Variants in ERN2 observed in about 807,000 individuals in gnomAD.
ERN2 encodes endoplasmic reticulum to nucleus signaling 2.
In ERN2, 111 loss-of-function variants were observed where a neutral mutation model predicts 107.9. That is an observed-to-expected ratio of 1.03 (90% confidence interval 0.88 to 1.20). The LOEUF is 1.20. Among genes scored for constraint, ERN2 ranks in the 50% most tolerant of loss-of-function variants. The pLI is 0.00. For missense variants in ERN2, 1,225 were observed against 1,197.9 expected (o/e 1.02, Z -0.33); for synonymous variants, 524 against 501.7 (o/e 1.04, Z -0.59).
intron 6 of ERN2, 62 bp from the exon 7 acceptor site, chr16:23,706,493 G>A: frequency 2.3e-6 from 3 of 1,285,916 alleles, no homozygotes; most frequent in Non-Finnish European, 3.3e-6. Context: ...CAACCCCAGG[G>A]GCCATTTATC....
rs752294858 is a variant in ERN2 at position 23,690,921 on chromosome 16, C to T, written c.2691G>A (p.Met897Ile). 5 of 1,613,938 alleles carry T rather than the reference C, an allele frequency of 3.1e-6. No homozygotes were observed. The change falls in exon 22 of 22, where the codon ATG (methionine) becomes ATA (isoleucine). Residue 897 changes from methionine to isoleucine, a missense_variant. Met to Ile is a conservative substitution (Grantham distance 10, BLOSUM62 1). Coordinates refer to ENST00000256797, the MANE Select transcript of ERN2 (RefSeq NM_033266.4). ...PRLLLHTHRA[M>I]RSCASESLFL... ...AGAGGCTCTCAGAGGCGCAGCTCCTCATGGCTCGGTGCGTGTGGAGGAGCA... is the reference window on the plus strand; with the variant it reads ...AGAGGCTCTCAGAGGCGCAGCTCCTTATGGCTCGGTGCGTGTGGAGGAGCA...
At position 23,690,387 on chromosome 16, in the gene ERN2, G is replaced by T; in HGVS notation, c.*444C>A. The T allele has an allele frequency of 2.1e-6, 1 of 474,048 alleles. No homozygotes were observed. The highest frequency in any genetic ancestry group is 3.8e-6 in the Non-Finnish European group (1 of 260,618). The allele number at this position is 474,048 out of a possible 1,614,324, so 29.4% of individuals were successfully genotyped here. A position where few individuals can be genotyped will look rare whatever the true frequency, so the allele number is the denominator to read the frequency against. The stretch of plus-strand genomic sequence containing the variant: ...ATATTCTTTTTCTTGTATTTCCTGA[G>T]GGGTGCCAGGGCCTGGGATCCAGCG... On this transcript the variant is annotated 3_prime_UTR_variant, in exon 22 of 22. Coordinates refer to ENST00000256797, the MANE Select transcript of ERN2 (RefSeq NM_033266.4).
chr16:23,706,742 G>C lies in ERN2; in HGVS notation c.487+12C>G. On this transcript the variant is annotated intron_variant, in intron 6 of 21. Coordinates refer to ENST00000256797, the MANE Select transcript of ERN2 (RefSeq NM_033266.4). ...TGCCCAGAGCTTGAGGAACAGCTGG[G>C]GCCCAACTCACGTGTTCGGCCAATG... 6.3e-7 allele frequency: 1 copy of C among 1,575,730 alleles called. No homozygotes were observed. The highest frequency in any genetic ancestry group is 1.1e-5 in the South Asian group (1 of 89,222).
chr16:23,696,110 C>G, intron 13 of ERN2, 132 bp from the exon 14 acceptor site: 1 of 667,448 alleles, frequency 1.5e-6, no homozygotes, highest in Non-Finnish European at 2.7e-6. Context: ...TGGGTAAGAG[C>G]AAGGGCCCAA....
intron 7 of ERN2, among the ~76,000 whole-genome samples, chr16:23,706,001 TA>T (rs2141019473): frequency 6.6e-6 from 1 of 152,028 alleles, no homozygotes; most frequent in African/African-American, 2.4e-5. Flanking sequence ...GGGTTATATA[TA>T]GGGGTCAGTT....
chr16:23,710,303 G>T, intron 3 of ERN2, 59 bp from the exon 4 acceptor site: 1 of 1,442,924 alleles, frequency 6.9e-7, no homozygotes, highest in Non-Finnish European at 9.8e-7. Context: ...TTTCATGAAG[G>T]CCCCAAATTC....
In ERN2 at chr16:23,691,026, C is replaced by T. The variant is rs756192668; in HGVS notation, c.2586G>A (p.Glu862=). Residue 862 remains glutamate (E), a synonymous_variant, in exon 22 of 22, where the codon GAG becomes GAA. Coordinates refer to ENST00000256797, the MANE Select transcript of ERN2 (RefSeq NM_033266.4). ...GTGCCTGTCGCACCTCAACTGGGAGCTCCCTGTAGTGGTGCTTCTGTGGGT... is the reference window on the plus strand; with the variant it reads ...GTGCCTGTCGCACCTCAACTGGGAGTTCCCTGTAGTGGTGCTTCTGTGGGT... ...AVRNKKHHYR[E]LPVEVRQALG... is the part of the protein sequence containing the mutation. The T allele has an allele frequency of 6.2e-7, 1 of 1,614,184 alleles. No homozygotes were observed.
chr16:23,695,177 C>G lies in ERN2; in HGVS notation c.1800+23G>C, dbSNP rs202221864. 23 of 1,613,918 alleles carry G rather than the reference C, an allele frequency of 1.4e-5. No individual in the cohort carries two copies. The East Asian group carries it at 5.1e-4, about 36-fold the overall frequency. The stretch of plus-strand genomic sequence containing the variant: ...CAGCCCGGACCTTCCCACTCACCCT[C>G]CCTGAACCGCAATGCAACTCACCTC... On this transcript the variant is annotated intron_variant, in intron 15 of 21. Transcript: ENST00000256797.
At chr16:23,691,459 G>A (rs746715651) in intron 19 of ERN2, 34 bp from the exon 20 acceptor site, 15 of 1,591,486 alleles carry the variant, frequency 9.4e-6, no homozygotes, top group Admixed American at 1.7e-5. Context: ...CCTTGTGACC[G>A]GGGCCAGAGG....
At chr16:23,710,485 C>T in intron 3 of ERN2, 31 bp downstream of exon 3, 1 of 1,612,536 alleles carries the variant, frequency 6.2e-7, no homozygotes, top group Non-Finnish European at 8.5e-7. Context: ...TCCCAGAAGC[C>T]TCCTCCTTAA....
rs199777756 is a variant in ERN2, at chr16:23,698,584, TTTTTG to T, written c.1525+1950_1525+1954del. On this transcript the variant is annotated intron_variant, in intron 13 of 21. Transcript: ENST00000256797. ...GTTTTTGTTTTTGTTTTTTGTGGGT[TTTTTG>T]TTTTGTTTTGTTTTGAGGTGGAGTC... Among the ~76,000 whole-genome samples, 1,203 of 152,220 alleles carry T rather than the reference TTTTTG, an allele frequency of 7.9e-3. 19 individuals carry two copies. The highest frequency in any genetic ancestry group is 6.4e-3 in the Non-Finnish European group (437 of 68,008).
At chr16:23,700,904 A>G in intron 12 of ERN2, 55 bp downstream of exon 12, 1 of 1,564,532 alleles carries the variant, frequency 6.4e-7, no homozygotes, top group East Asian at 2.2e-5. Flanking sequence ...GTGGTCTCAG[A>G]GAGGAGAAGC....
rs746363502 is a variant in ERN2 at position 23,701,154 on chromosome 16, A to G, written c.1204-40T>C. ...CCCTTCACTTTTAGCACCCCCTTCC[A>G]CCAGGGAACCCCTAACTTTTCTTCA... On this transcript the variant is annotated intron_variant, in intron 11 of 21. Coordinates refer to ENST00000256797, the MANE Select transcript of ERN2 (RefSeq NM_033266.4). 45 of 1,591,170 alleles carry G rather than the reference A, an allele frequency of 2.8e-5. No individual in the cohort carries two copies. In the South Asian group the frequency reaches 4.8e-4, roughly 17 times the overall value.
rs1453005918 is a variant in ERN2 at position 23,706,421 on chromosome 16, G to T, written c.498C>A (p.Val166=). ...RLYIGRTQYT[V]TMHDPRAPAL... ...CTGGGGCTCTTGGGTCATGCATGGT[G>T]ACCGTATACTCTGGGGATCCCAGAA... is the stretch of plus-strand genomic sequence containing the variant. The change falls in exon 7 of 22, where the codon GTC becomes GTA. Residue 166 remains valine (V), a synonymous_variant. Transcript: ENST00000256797. 1.3e-6 allele frequency: 2 copies of T among 1,569,144 alleles called. No individual in the cohort carries two copies. Among genetic ancestry groups the T allele is most frequent in the South Asian group, 1.2e-5 (1 of 85,446 alleles).
chr16:23,693,388 G>A (rs1959677351), intron 17 of ERN2, among the ~76,000 whole-genome samples: 2 of 151,930 alleles, frequency 1.3e-5, no homozygotes, highest in African/African-American at 2.4e-5. Flanking sequence ...GGGAGTTCGA[G>A]ACCAGCCTGG....
In ERN2 at chr16:23,694,424, G is replaced by A. The variant is rs377713939; in HGVS notation, c.2100+304C>T. On this transcript the variant is annotated intron_variant, in intron 17 of 21. Transcript: ENST00000256797. ...TTGTTAGTTCTTTGTGTTGGGTGTT[G>A]TCCTGTCCTGTAAGACATTTAGCAG... 6.8e-4 allele frequency among the ~76,000 whole-genome samples: 104 copies of A among 152,290 alleles called. 3 individuals are homozygous for A. In the South Asian group the frequency reaches 0.021, roughly 30 times the overall value.
chr16:23,695,722 C>CAAAAAAAAAAAAAAA (rs57103138), intron 14 of ERN2, among the ~76,000 whole-genome samples, 172 bp downstream of exon 14: 2 of 37,386 alleles, frequency 5.3e-5, no homozygotes, highest in Middle Eastern at 0.014. Context: ...GAGCAAGACT[C>CAAAAAAAAAAAAAAA]AAAAAAAAAA....
chr16:23,704,228 T>C (rs979959585), intron 8 of ERN2, among the ~76,000 whole-genome samples: 2 of 152,332 alleles, frequency 1.3e-5, no homozygotes, highest in South Asian at 4.1e-4. Context: ...TAACAATCCA[T>C]AAGGCACAGC....
chr16:23,704,087 T>C (rs1960201952), intron 8 of ERN2, among the ~76,000 whole-genome samples: 1 of 152,226 alleles, frequency 6.6e-6, no homozygotes, highest in African/African-American at 2.4e-5. Context: ...ATTGAATGAA[T>C]AGATGATCCC....
Sources: gnomAD v4.1 joint callset for allele counts (sites outside exome capture counted in the v4.1 genomes callset) on GRCh38, gnomAD v4.1.1 for gene constraint, MANE v1.5 for transcripts, NCBI Gene and HGNC (gene_info 2026-07-23, HGNC 2026-07-21) for gene names.